Variants in DCAF11 observed in about 807,000 individuals in gnomAD.
DCAF11 encodes the protein DDB1 and CUL4 associated factor 11.
In DCAF11, 44 loss-of-function variants were observed where a neutral mutation model predicts 76.1. That is an observed-to-expected ratio of 0.58 (90% CI 0.45 to 0.74). The LOEUF (loss-of-function observed/expected upper bound fraction) is 0.74. Among genes scored for constraint, DCAF11 ranks in the 30% least tolerant of loss-of-function variants. The pLI, the probability that DCAF11 is intolerant of heterozygous loss-of-function variation, is 0.00. For missense variants in DCAF11, 604 were observed against 709.4 expected (o/e 0.85, Z 1.69); for synonymous variants, 258 against 255.0 (o/e 1.01, Z -0.11).
chr14:24,116,410 G>C (rs1205369280), intron 2 of DCAF11, among the ~76,000 whole-genome samples: 1 of 152,146 alleles, frequency 6.6e-6, no homozygotes, highest in Non-Finnish European at 1.5e-5. Context: ...TGGAGAACGG[G>C]CTATTCACAG....
chr14:24,122,383 AG>A lies in DCAF11; in HGVS notation c.1400-586del, dbSNP rs1238777043. ...TGAGGCAGGAGAATCGCTTGAGCCC[AG>A]GAGGCTGAGGCAGGAGAATCGCTTG... On this transcript the variant is annotated intron_variant, in intron 13 of 14. Transcript: ENST00000446197. Among the ~76,000 whole-genome samples, 16 of 150,712 alleles carry A rather than the reference AG, an allele frequency of 1.1e-4. No homozygotes were observed. The East Asian group carries it at 3.1e-3, about 29-fold the overall frequency.
chr14:24,119,071 A>C (rs2139016994), intron 8 of DCAF11, 74 bp from the exon 9 acceptor site: 1 of 1,592,356 alleles, frequency 6.3e-7, no homozygotes, highest in Non-Finnish European at 8.6e-7. Flanking sequence ...GTGCCTTACA[A>C]CCGTTGTCAG....
intron 14 of DCAF11, 27 bp downstream of exon 14, chr14:24,123,104 G>A: frequency 6.2e-7 from 1 of 1,614,108 alleles, no homozygotes; most frequent in Non-Finnish European, 8.5e-7. Flanking sequence ...TGAGGGTGCT[G>A]GCACATGTCT....
At position 24,117,339 on chromosome 14, in the gene DCAF11, G is replaced by T; in HGVS notation, c.357G>T (p.Gln119His). 1 of 1,614,248 alleles carries T rather than the reference G, an allele frequency of 6.2e-7. No homozygotes were observed. Among genetic ancestry groups the T allele is most frequent in the Non-Finnish European group, 8.5e-7 (1 of 1,180,042 alleles). ...CACAAGTGGAACTGGCCACAGGGCAGCTGGGGCTTAGGCGGGCCGCCCAGA... is the reference window on the plus strand; with the variant it reads ...CACAAGTGGAACTGGCCACAGGGCATCTGGGGCTTAGGCGGGCCGCCCAGA... ...IKTQVELATGQLGLRRAAQKH... is the reference protein window; with the variant it reads ...IKTQVELATGHLGLRRAAQKH... The change falls in exon 4 of 15, where the codon CAG becomes CAT. Residue 119 changes from glutamine (Q) to histidine (H), a missense_variant. By Grantham distance (24) the Gln-to-His change is conservative. Transcript: ENST00000446197. The surrounding 1 kb of genome is among the most constrained non-coding windows in gnomAD (Gnocchi z 4.3).
At position 24,115,080 on chromosome 14, in the gene DCAF11, C is replaced by T; in HGVS notation, c.-427C>T. The T allele has an allele frequency of 1.1e-6, 1 of 948,592 alleles. No homozygotes were observed. Among genetic ancestry groups the T allele is most frequent in the Non-Finnish European group, 1.3e-6 (1 of 795,972 alleles). The allele number at this position is 948,592 out of a possible 1,614,324, so 58.8% of individuals were successfully genotyped here. On this transcript the variant is annotated 5_prime_UTR_variant, in exon 1 of 15. Transcript: ENST00000446197. ...CAAATTCTATTTTCATTGGCTGTCA[C>T]TGCTGCCGGCCTTTGTAAGGGGGCG...
rs995508776 is a variant in DCAF11 at position 24,124,105 on chromosome 14, A to G, written c.*796A>G. 4.6e-5 allele frequency: 7 copies of G among 152,248 alleles called. No homozygotes were observed. Among genetic ancestry groups the G allele is most frequent in the Non-Finnish European group, 8.8e-5 (6 of 68,040 alleles). The allele number at this position is 152,248 out of a possible 1,614,324, so 9.4% of individuals were successfully genotyped here. ...TTTCATCTCCTCACTTCAGGAAAAC[A>G]CAGTTCAGCAAAGTCTTCAGATGCG... On this transcript the variant is annotated 3_prime_UTR_variant, in exon 15 of 15. Transcript: ENST00000446197.
intron 9 of DCAF11, 130 bp from the exon 10 acceptor site, chr14:24,119,429 C>G: frequency 2.3e-6 from 3 of 1,287,356 alleles, no homozygotes; most frequent in Admixed American, 1.8e-5. Context: ...ACTCTTCCCC[C>G]ACTTCCTGTA....
At position 24,117,860 on chromosome 14, in the gene DCAF11, A is replaced by G. The variant is rs979269343; in HGVS notation, c.476+128A>G. On this transcript the variant is annotated intron_variant, in intron 5 of 14. Coordinates refer to ENST00000446197, the MANE Select transcript of DCAF11 (RefSeq NM_025230.5). This position sits in a 1 kb window ranked among gnomAD's most constrained non-coding sequence, Gnocchi z 4.3. ...TAGGTTAAATGGGGTTGAAACTTTGAGAGTAAACAAAGTAGAAAAGTGTAG... is the reference window on the plus strand; with the variant it reads ...TAGGTTAAATGGGGTTGAAACTTTGGGAGTAAACAAAGTAGAAAAGTGTAG... The G allele has an allele frequency of 1.9e-6, 2 of 1,060,552 alleles. No individual in the cohort carries two copies. The highest frequency in any genetic ancestry group is 2.8e-6 in the Non-Finnish European group (2 of 724,662). 65.7% of individuals were successfully genotyped at this position (1,060,552 alleles called of 1,614,324 possible).
At position 24,117,746 on chromosome 14, in the gene DCAF11, T is replaced by G; in HGVS notation, c.476+14T>G. 6.2e-7 allele frequency: 1 copy of G among 1,612,982 alleles called. No individual in the cohort carries two copies. Among genetic ancestry groups the G allele is most frequent in the Non-Finnish European group, 8.5e-7 (1 of 1,179,170 alleles). On this transcript the variant is annotated intron_variant, in intron 5 of 14. Coordinates refer to ENST00000446197, the MANE Select transcript of DCAF11 (RefSeq NM_025230.5). The surrounding 1 kb of genome is among the most constrained non-coding windows in gnomAD (Gnocchi z 4.3). ...AGTGATATCTCAGTGAGTATGGGGCTTGGTGAAGAGACTCTAAGGGCCAGA... is the reference window on the plus strand; with the variant it reads ...AGTGATATCTCAGTGAGTATGGGGCGTGGTGAAGAGACTCTAAGGGCCAGA...
Position 24,120,987 on chromosome 14 carries a change from A to G in DCAF11, c.1242A>G (p.Lys414=). 1 of 1,614,142 alleles carries G rather than the reference A, an allele frequency of 6.2e-7. No homozygotes were observed. The change falls in exon 12 of 15, where the codon AAA becomes AAG. Residue 414 remains lysine, a synonymous_variant. Coordinates refer to ENST00000446197, the MANE Select transcript of DCAF11 (RefSeq NM_025230.5). ...ACTATCGGTGGCAGCAAGTGCCCAA[A>G]AAAGGTGAGACTGGAAGTACAGGCA... ...NWDYRWQQVP[K]KAWRKLKLPG...
chr14:24,123,566 T>A lies in DCAF11; in HGVS notation c.*257T>A. 2.2e-6 allele frequency: 1 copy of A among 446,834 alleles called. No individual in the cohort carries two copies. The allele number at this position is 446,834 out of a possible 1,614,324, so 27.7% of individuals were successfully genotyped here. A position where few individuals can be genotyped will look rare whatever the true frequency, so the allele number is the denominator to read the frequency against. The stretch of plus-strand genomic sequence containing the variant: ...GGCAGGACTGCCATTATCTGGGGTG[T>A]GGCCTCTGCCAGCAAGAGAAGTGTC... On this transcript the variant is annotated 3_prime_UTR_variant, in exon 15 of 15. Transcript: ENST00000446197.
Position 24,123,522 on chromosome 14 carries a change from C to T in DCAF11, c.*213C>T. 1 of 645,928 alleles carries T rather than the reference C, an allele frequency of 1.5e-6. No homozygotes were observed. Among genetic ancestry groups the T allele is most frequent in the Admixed American group, 3.8e-5 (1 of 26,332 alleles). The allele number at this position is 645,928 out of a possible 1,614,324, so 40.0% of individuals were successfully genotyped here. On this transcript the variant is annotated 3_prime_UTR_variant, in exon 15 of 15. Transcript: ENST00000446197. Reference sequence around the variant, plus strand: ...GCTCACACCCAGTCAGCTTGGGTCCCTATCTCTGGCCAGAGTTTGGCAGGA... The same window carrying T: ...GCTCACACCCAGTCAGCTTGGGTCCTTATCTCTGGCCAGAGTTTGGCAGGA...
Position 24,115,702 on chromosome 14 carries a change from G to A in DCAF11, c.108G>A (p.Glu36=). The change falls in exon 2 of 15, where the codon GAG becomes GAA. Residue 36 remains glutamate, a synonymous_variant. Transcript: ENST00000446197. ...GTCGGAGTGAGGAAGAGGAAGAAGAGGATGAAGATGTGGATCTGGCCCAGG... is the reference window on the plus strand; with the variant it reads ...GTCGGAGTGAGGAAGAGGAAGAAGAAGATGAAGATGTGGATCTGGCCCAGG... ...GLRRSEEEEE[E]DEDVDLAQVL... is the part of the protein sequence containing the mutation. The A allele has an allele frequency of 1.2e-6, 2 of 1,614,024 alleles. No individual in the cohort carries two copies. Among genetic ancestry groups the A allele is most frequent in the South Asian group, 1.1e-5 (1 of 91,074 alleles).
At position 24,114,857 on chromosome 14, in the gene DCAF11, A is replaced by G. The variant is rs2037503125; in HGVS notation, c.-650A>G. ...CGCGTGACGGAGGAGCGGTTGGCCA[A>G]CGCAGTGGCGGCAGTCGGTGTAAAC... On this transcript the variant is annotated 5_prime_UTR_variant, in exon 1 of 15. Coordinates refer to ENST00000446197, the MANE Select transcript of DCAF11 (RefSeq NM_025230.5). 1.0e-6 allele frequency: 1 copy of G among 985,810 alleles called. No individual in the cohort carries two copies. The highest frequency in any genetic ancestry group is 1.2e-6 in the Non-Finnish European group (1 of 829,956). The allele number at this position is 985,810 out of a possible 1,614,324, so 61.1% of individuals were successfully genotyped here. A position where few individuals can be genotyped will look rare whatever the true frequency, so the allele number is the denominator to read the frequency against.
chr14:24,117,269 A>G lies in DCAF11; in HGVS notation c.287A>G (p.Asp96Gly). The G allele has an allele frequency of 6.2e-7, 1 of 1,614,184 alleles. No individual in the cohort carries two copies. Among genetic ancestry groups the G allele is most frequent in the Non-Finnish European group, 8.5e-7 (1 of 1,180,026 alleles). The change falls in exon 4 of 15, where the codon GAT (aspartate) becomes GGT (glycine). Residue 96 changes from aspartate to glycine, a missense_variant. By Grantham distance (94) the Asp-to-Gly change is moderately conservative (BLOSUM62 -1). Coordinates refer to ENST00000446197, the MANE Select transcript of DCAF11 (RefSeq NM_025230.5). The surrounding 1 kb of genome is among the most constrained non-coding windows in gnomAD (Gnocchi z 4.3). Reference sequence around the variant, plus strand: ...AACTTCTCCTTGGTACTCACAGTGGATGCTACCCCTGACACCCGGGAGCTG... The same window carrying G: ...AACTTCTCCTTGGTACTCACAGTGGGTGCTACCCCTGACACCCGGGAGCTG... ...RLGDRYNPPVDATPDTRELEF... is the reference protein window; with the variant it reads ...RLGDRYNPPVGATPDTRELEF...
At position 24,118,744 on chromosome 14, in the gene DCAF11, T is replaced by C. The variant is rs1200825606; in HGVS notation, c.725-6T>C. 6.2e-7 allele frequency: 1 copy of C among 1,614,084 alleles called. No homozygotes were observed. The highest frequency in any genetic ancestry group is 8.5e-7 in the Non-Finnish European group (1 of 1,179,988). ...GAAAGATTCTTGTTTTTCTTGCTTC[T>C]CTTAGTTCATATCTGCAATATCTAT... On this transcript the variant is annotated splice_region_variant and splice_polypyrimidine_tract_variant and intron_variant, in intron 7 of 14. Coordinates refer to ENST00000446197, the MANE Select transcript of DCAF11 (RefSeq NM_025230.5).
chr14:24,116,687 G>A (rs1025152717), intron 2 of DCAF11, among the ~76,000 whole-genome samples: 2 of 151,856 alleles, frequency 1.3e-5, no homozygotes, highest in African/African-American at 4.8e-5. Context: ...TCGCTGGGAG[G>A]TCAACTTAGT....
rs2037758880 is a variant in DCAF11, at chr14:24,125,150, G to A, written c.*1841G>A. 6.6e-6 allele frequency: 1 copy of A among 152,232 alleles called. No individual in the cohort carries two copies. The highest frequency in any genetic ancestry group is 2.4e-5 in the African/African-American group (1 of 41,456). The allele number at this position is 152,232 out of a possible 1,614,324, so 9.4% of individuals were successfully genotyped here. On this transcript the variant is annotated 3_prime_UTR_variant, in exon 15 of 15. Coordinates refer to ENST00000446197, the MANE Select transcript of DCAF11 (RefSeq NM_025230.5). ...CACCTAAGGCCAGGAGGTCAAGGCTGCGGTGAGCCGTGATTGTGCCAATGT... is the reference window on the plus strand; with the variant it reads ...CACCTAAGGCCAGGAGGTCAAGGCTACGGTGAGCCGTGATTGTGCCAATGT...
Position 24,114,798 on chromosome 14 carries a change from G to A in DCAF11, c.-709G>A, listed in dbSNP as rs2037500533. 1.0e-6 allele frequency: 1 copy of A among 985,978 alleles called. No individual in the cohort carries two copies. Among genetic ancestry groups the A allele is most frequent in the Non-Finnish European group, 1.2e-6 (1 of 829,974 alleles). 61.1% of individuals were successfully genotyped at this position (985,978 alleles called of 1,614,324 possible). ...CGTCGTGTGACGTTTGCAGCCCGCC[G>A]GCCAGGAAGCCGCGAGATGCGTGAC... On this transcript the variant is annotated 5_prime_UTR_variant, in exon 1 of 15. Transcript: ENST00000446197.
Sources: gnomAD v4.1 joint callset for allele counts (sites outside exome capture counted in the v4.1 genomes callset) on GRCh38, gnomAD v4.1.1 for gene constraint, Gnocchi (gnomAD v3.1) non-coding constraint, MANE v1.5 for transcripts, NCBI Gene and HGNC (gene_info 2026-07-23, HGNC 2026-07-21) for gene names.